Variants in NUP210L observed in about 807,000 individuals in gnomAD.
NUP210L encodes nuclear pore membrane glycoprotein 210-like.
Under a neutral mutation model 208.5 loss-of-function variants are expected in NUP210L, and 74 were observed. The observed-to-expected ratio is 0.35, with a 90% CI of 0.29 to 0.43. NUP210L has a LOEUF of 0.43. NUP210L is among the 20% of genes least tolerant of loss of function. NUP210L has a pLI of 1.00. For missense variants in NUP210L, 1,843 were observed against 2,289.4 expected (o/e 0.81, Z 3.98); for synonymous variants, 780 against 816.9 (o/e 0.95, Z 0.77).
intron 10 of NUP210L, among the ~76,000 whole-genome samples, chr1:154,125,784 T>TTTTTTTTTTTTTTTG: frequency 1.3e-5 from 1 of 78,026 alleles, no homozygotes; most frequent in Non-Finnish European, 2.4e-5. Flanking sequence ...TTTTTTTTTT[T>TTTTTTTTTTTTTTTG]TGAGACGGAG....
Position 154,054,763 on chromosome 1 carries a change from A to C in NUP210L, c.3303+7T>G. The C allele has an allele frequency of 6.2e-7, 1 of 1,601,754 alleles. No individual in the cohort carries two copies. The highest frequency in any genetic ancestry group is 8.6e-7 in the Non-Finnish European group (1 of 1,168,770). ...GTAAATCTTATTTTTTCTGCCTGTAAGTTCACCTGCATCATATTCATTGGA... is the reference window on the plus strand; with the variant it reads ...GTAAATCTTATTTTTTCTGCCTGTACGTTCACCTGCATCATATTCATTGGA... On this transcript the variant is annotated splice_region_variant and intron_variant, in intron 24 of 39. Coordinates refer to ENST00000368559, the Ensembl canonical transcript of NUP210L.
chr1:154,013,790 A>G (rs1651095552), intron 33 of NUP210L, among the ~76,000 whole-genome samples: 1 of 152,012 alleles, frequency 6.6e-6, no homozygotes, highest in South Asian at 2.1e-4. Context: ...TTTGAGACGG[A>G]GTCTTGCTCT....
chr1:154,000,892 C>G, exon 37 of NUP210L: 1 of 1,614,112 alleles, frequency 6.2e-7, no homozygotes, highest in Non-Finnish European at 8.5e-7. Flanking sequence ...CTCACTACCA[C>G]TGCCTCACTT....
At chr1:154,110,968 A>G (rs1292072998) in intron 12 of NUP210L, among the ~76,000 whole-genome samples, 2 of 151,556 alleles carry the variant, frequency 1.3e-5, no homozygotes, top group Admixed American at 6.6e-5. Context: ...GAAATAAATG[A>G]AATAAAAAAA....
chr1:154,142,095 T>TG (rs1271423162), intron 3 of NUP210L, among the ~76,000 whole-genome samples: 5 of 150,764 alleles, frequency 3.3e-5, no homozygotes, highest in African/African-American at 1.2e-4. Context: ...AGGTCAAGGC[T>TG]GCAGTGAGCC....
chr1:154,027,080 C>CAAAA (rs59626984), intron 29 of NUP210L, among the ~76,000 whole-genome samples: 17 of 101,742 alleles, frequency 1.7e-4, no homozygotes, highest in African/African-American at 3.4e-4. Context: ...GAGACTGTCT[C>CAAAA]AAAAAAAAAA....
chr1:154,005,525 G>GTGTTTGTT (rs557286760), intron 35 of NUP210L, among the ~76,000 whole-genome samples: 1 of 151,874 alleles, frequency 6.6e-6, no homozygotes, highest in Non-Finnish European at 1.5e-5. Context: ...ACCGCGCCCA[G>GTGTTTGTT]TGTTTGTTTG....
Position 154,139,346 on chromosome 1 carries a change from G to A in NUP210L, c.717+456C>T, listed in dbSNP as rs1358986605. ...GTAGTTATATATTTTAAGAGAAAATGCCAGTCACATTTGTAATTGTAATCA... is the reference window on the plus strand; with the variant it reads ...GTAGTTATATATTTTAAGAGAAAATACCAGTCACATTTGTAATTGTAATCA... On this transcript the variant is annotated intron_variant, in intron 5 of 39. Transcript: ENST00000368559. Among the ~76,000 whole-genome samples, 11 of 152,168 alleles carry A rather than the reference G, an allele frequency of 7.2e-5. 1 individual carries two copies. The highest frequency in any genetic ancestry group is 7.2e-4 in the Admixed American group (11 of 15,268).
intron 33 of NUP210L, among the ~76,000 whole-genome samples, chr1:154,018,152 A>G (rs926750357): frequency 7.9e-5 from 12 of 151,648 alleles, no homozygotes; most frequent in Non-Finnish European, 1.3e-4. Context: ...TTGTATTTTT[A>G]GTAGTGATGG....
intron 37 of NUP210L, 126 bp downstream of exon 37, chr1:154,000,730 A>G: frequency 1.3e-6 from 1 of 770,066 alleles, no homozygotes. Flanking sequence ...TTTTTCATTT[A>G]TTTTTGGACC....
intron 10 of NUP210L, among the ~76,000 whole-genome samples, chr1:154,120,163 C>A (rs1282562486): frequency 6.6e-6 from 1 of 152,116 alleles, no homozygotes; most frequent in East Asian, 1.9e-4. Context: ...AGCATTTTTT[C>A]ATGTGTCTGT....
At chr1:154,059,208 C>T (rs1053088245) in intron 20 of NUP210L, among the ~76,000 whole-genome samples, 30 of 151,892 alleles carry the variant, frequency 2.0e-4, no homozygotes, top group Admixed American at 7.2e-4. Context: ...CACGGTGGTC[C>T]GTGCCTGTAG....
intron 25 of NUP210L, among the ~76,000 whole-genome samples, chr1:154,053,259 A>G (rs1205128170): frequency 6.6e-6 from 1 of 152,212 alleles, no homozygotes; most frequent in Non-Finnish European, 1.5e-5. Context: ...ATGGATAAAA[A>G]CACTTGGAGG....
intron 16 of NUP210L, among the ~76,000 whole-genome samples, chr1:154,085,660 T>G (rs1021526806): frequency 2.0e-5 from 3 of 152,072 alleles, no homozygotes; most frequent in Non-Finnish European, 4.4e-5. Flanking sequence ...GGACCCAGAA[T>G]AGCCAAAATA....
At chr1:153,995,119 C>G (rs1253862746) in exon 38 of NUP210L, 1 of 1,613,834 alleles carries the variant, frequency 6.2e-7, no homozygotes. Flanking sequence ...CAAAGAGGGT[C>G]AAGAGCAGGA....
intron 15 of NUP210L, among the ~76,000 whole-genome samples, chr1:154,093,828 C>G (rs1484348109): frequency 6.6e-6 from 1 of 152,218 alleles, no homozygotes; most frequent in East Asian, 1.9e-4. Context: ...TGAATGAAAA[C>G]TATGCAAATC....
intron 13 of NUP210L, among the ~76,000 whole-genome samples, chr1:154,103,541 G>A (rs1172362409): frequency 6.7e-6 from 1 of 149,026 alleles, no homozygotes; most frequent in Admixed American, 6.7e-5. Context: ...GCGTGGTAGC[G>A]GGCGCCTGTA....
chr1:153,996,000 A>G lies in NUP210L; in HGVS notation c.5387-820T>C, dbSNP rs1016522391. On this transcript the variant is annotated intron_variant, in intron 37 of 39. Transcript: ENST00000368559. ...GAGTAATAAAAATGAGGAGACTTAA[A>G]AAAAAAATGCGGCCTGGCGTGGTGG... 1.0e-4 allele frequency: 38 copies of G among 381,492 alleles called. 1 individual carries two copies. The highest frequency in any genetic ancestry group is 8.0e-4 in the African/African-American group (38 of 47,280). The allele number at this position is 381,492 out of a possible 1,614,324, so 23.6% of individuals were successfully genotyped here.
intron 35 of NUP210L, among the ~76,000 whole-genome samples, chr1:154,004,888 C>CT (rs1650424906): frequency 7.9e-6 from 1 of 125,980 alleles, no homozygotes; most frequent in African/African-American, 2.9e-5. Context: ...GAATCTCACT[C>CT]TATCGCCCAG....
Sources: allele counts gnomAD v4.1 joint callset (sites outside exome capture counted in the v4.1 genomes callset), GRCh38; gene constraint gnomAD v4.1.1; transcripts MANE v1.5; gene names NCBI Gene and HGNC (gene_info 2026-07-23, HGNC 2026-07-21).